RUNX2: variants seen among roughly 807,000 people sequenced by gnomAD.
RUNX2 encodes runt-related transcription factor 2.
In RUNX2, 10 loss-of-function variants were observed where a neutral mutation model predicts 51.7. The ratio of observed to expected loss-of-function variants is 0.19; its 90% confidence interval spans 0.12 to 0.33. The LOEUF (loss-of-function observed/expected upper bound fraction) is 0.33, where lower values mean the gene tolerates loss of function less well. Among genes scored for constraint, RUNX2 ranks in the 10% least tolerant of loss-of-function variants. RUNX2 has a pLI of 1.00. For synonymous variants in RUNX2, 276 were observed against 273.6 expected (o/e 1.01, Z -0.09); for missense variants, 562 against 691.3 (o/e 0.81, Z 2.10).
At chr6:45,454,581 G>A (rs1316754367) in intron 5 of RUNX2, among the ~76,000 whole-genome samples, 1 of 152,164 alleles carries the variant, frequency 6.6e-6, no homozygotes, top group Non-Finnish European at 1.5e-5. Flanking sequence ...TGGCATTTCC[G>A]GCTAATTTAT....
chr6:45,373,703 A>C (rs762488770), intron 2 of RUNX2, among the ~76,000 whole-genome samples: 25 of 152,044 alleles, frequency 1.6e-4, no homozygotes, highest in Non-Finnish European at 2.9e-4. Flanking sequence ...GGCATGCACC[A>C]CCATGCCCGG....
intron 6 of RUNX2, among the ~76,000 whole-genome samples, chr6:45,494,077 G>T (rs1262914669): frequency 1.3e-5 from 2 of 151,974 alleles, no homozygotes; most frequent in Non-Finnish European, 2.9e-5. Flanking sequence ...GAACCTAAAG[G>T]TACCTTAGAT....
intron 5 of RUNX2, among the ~76,000 whole-genome samples, chr6:45,456,839 C>G (rs1385019504): frequency 6.6e-6 from 1 of 152,154 alleles, no homozygotes; most frequent in Non-Finnish European, 1.5e-5. Flanking sequence ...AGAAGATGCC[C>G]TTTTTCAAGT....
chr6:45,426,465 T>C (rs1187082614), intron 3 of RUNX2, among the ~76,000 whole-genome samples: 2 of 152,174 alleles, frequency 1.3e-5, no homozygotes, highest in East Asian at 1.9e-4. Flanking sequence ...AGCACCCTTT[T>C]AGTTAGGGGT....
At chr6:45,506,295 A>G (rs576295431) in intron 6 of RUNX2, among the ~76,000 whole-genome samples, 2 of 152,300 alleles carry the variant, frequency 1.3e-5, no homozygotes, top group Admixed American at 1.3e-4. Flanking sequence ...CAGACCCATC[A>G]GATAGGAAAG....
intron 2 of RUNX2, among the ~76,000 whole-genome samples, chr6:45,336,295 G>A (rs1172775603): frequency 6.6e-6 from 1 of 151,368 alleles, no homozygotes; most frequent in Non-Finnish European, 1.5e-5. Flanking sequence ...ATGTAGTAAA[G>A]ATTTAACAAT....
chr6:45,447,317 T>C (rs1799031139), intron 5 of RUNX2, among the ~76,000 whole-genome samples: 1 of 152,220 alleles, frequency 6.6e-6, no homozygotes, highest in South Asian at 2.1e-4. Context: ...CCAGTTCTGA[T>C]ATACTCTTAA....
At chr6:45,384,973 G>A (rs1797320168) in intron 2 of RUNX2, among the ~76,000 whole-genome samples, 1 of 152,084 alleles carries the variant, frequency 6.6e-6, no homozygotes, top group African/African-American at 2.4e-5. Context: ...AAACTGCTGG[G>A]ACTACAGGCA....
At chr6:45,389,913 C>T (rs888493505) in intron 2 of RUNX2, among the ~76,000 whole-genome samples, 5 of 151,278 alleles carry the variant, frequency 3.3e-5, no homozygotes, top group Admixed American at 1.3e-4. Context: ...GGTTGAGGCA[C>T]GAGAATCACT....
rs7769140 is a variant in RUNX2 at position 45,466,728 on chromosome 6, T to C, written c.686-25213T>C. On this transcript the variant is annotated intron_variant, in intron 5 of 8. Coordinates refer to ENST00000647337, the MANE Select transcript of RUNX2 (RefSeq NM_001024630.4). ...CCTGGAGAGATAAATCCTATTTCCA[T>C]TAAACAGATTTTTGTTAGGAATGCT... 6.5e-3 allele frequency among the ~76,000 whole-genome samples: 997 copies of C among 152,368 alleles called. 9 individuals are homozygous for C. The highest frequency in any genetic ancestry group is 0.022 in the African/African-American group (901 of 41,578).
chr6:45,354,231 A>G (rs976221256), intron 2 of RUNX2, among the ~76,000 whole-genome samples: 2 of 152,202 alleles, frequency 1.3e-5, no homozygotes, highest in African/African-American at 4.8e-5. Flanking sequence ...AAAACTGGAC[A>G]AAACCTAATT....
At chr6:45,470,750 G>A (rs1323169859) in intron 5 of RUNX2, among the ~76,000 whole-genome samples, 3 of 152,176 alleles carry the variant, frequency 2.0e-5, no homozygotes, top group African/African-American at 7.2e-5. Context: ...GCATTAAAAT[G>A]TCTCACTAAC....
intron 2 of RUNX2, among the ~76,000 whole-genome samples, chr6:45,411,992 G>A (rs1468754644): frequency 2.0e-5 from 3 of 152,024 alleles, no homozygotes; most frequent in Non-Finnish European, 4.4e-5. Flanking sequence ...TAGCATTTTA[G>A]ACTTGTTGAT....
Position 45,346,828 on chromosome 6 carries a change from G to C in RUNX2, c.58+18044G>C, listed in dbSNP as rs545237795. Among the ~76,000 whole-genome samples the C allele has an allele frequency of 9.2e-5, 14 of 152,290 alleles. No individual in the cohort carries two copies. In the East Asian group the frequency reaches 2.5e-3, roughly 27 times the overall value. ...GATTCGCCCACCTTGGCCCCCCAAA[G>C]TGCTAGGATTATAGGCGTGAGCCAT... On this transcript the variant is annotated intron_variant, in intron 2 of 8. Coordinates refer to ENST00000647337, the MANE Select transcript of RUNX2 (RefSeq NM_001024630.4).
At chr6:45,346,361 G>A (rs1790858393) in intron 2 of RUNX2, among the ~76,000 whole-genome samples, 1 of 152,036 alleles carries the variant, frequency 6.6e-6, no homozygotes, top group South Asian at 2.1e-4. Context: ...AAACGAAGAA[G>A]GGTGAGAGGG....
intron 2 of RUNX2, among the ~76,000 whole-genome samples, chr6:45,331,392 A>AC (rs1353742572): frequency 3.9e-5 from 6 of 152,102 alleles, no homozygotes; most frequent in African/African-American, 9.6e-5. Flanking sequence ...CTGATTTCCA[A>AC]AACAGCAATT....
intron 6 of RUNX2, among the ~76,000 whole-genome samples, chr6:45,506,694 C>T (rs571680440): frequency 1.3e-5 from 2 of 152,284 alleles, no homozygotes; most frequent in East Asian, 3.9e-4. Flanking sequence ...CTCGCTCTGT[C>T]GCCCAGGCTG....
chr6:45,538,070 A>T (rs1375328516), intron 7 of RUNX2, among the ~76,000 whole-genome samples: 1 of 152,026 alleles, frequency 6.6e-6, no homozygotes, highest in Non-Finnish European at 1.5e-5. Flanking sequence ...CCATTTGTCC[A>T]CTTCTTGTAT....
At position 45,471,104 on chromosome 6, in the gene RUNX2, TG is replaced by T. The variant is rs1181853613; in HGVS notation, c.686-20832del. On this transcript the variant is annotated intron_variant, in intron 5 of 8. Coordinates refer to ENST00000647337, the MANE Select transcript of RUNX2 (RefSeq NM_001024630.4). ...GGAGCCATCTTGGGACGTGGACACT[TG>T]GGGGTTGGGAATGGGGGTGGAAAAT... 7.2e-5 allele frequency among the ~76,000 whole-genome samples: 11 copies of T among 152,120 alleles called. No individual in the cohort carries two copies. In the East Asian group the frequency reaches 2.1e-3, roughly 29 times the overall value.
Sources: gnomAD v4.1 joint callset for allele counts (sites outside exome capture counted in the v4.1 genomes callset) on GRCh38, gnomAD v4.1.1 for gene constraint, MANE v1.5 for transcripts, NCBI Gene and HGNC (gene_info 2026-07-23, HGNC 2026-07-21) for gene names.